The following PCDHA5 variants were observed in gnomAD, a reference collection of about 807,000 sequenced individuals.
The protein encoded by PCDHA5 is protocadherin alpha 5, also known as protocadherin alpha-5.
Under a neutral mutation model 61.6 loss-of-function variants are expected in PCDHA5, and 43 were observed. The observed-to-expected ratio is 0.70, with a 90% CI of 0.55 to 0.90. PCDHA5 has a LOEUF of 0.90. Among genes scored for constraint, PCDHA5 ranks in the 40% least tolerant of loss-of-function variants. PCDHA5 has a pLI of 0.00. For missense variants in PCDHA5, 1,298 were observed against 1,222.7 expected (o/e 1.06, Z -0.92); for synonymous variants, 627 against 543.9 (o/e 1.15, Z -2.13).
At position 140,847,060 on chromosome 5, in the gene PCDHA5, C is replaced by T. The variant is rs1457152734; in HGVS notation, c.2352+22933C>T. ...TAAGGAAAGTTGAAGACACAGAAAG[C>T]ATCAATATGACAAGTAGAAAAGTCC... On this transcript the variant is annotated intron_variant, in intron 1 of 3. Coordinates refer to ENST00000529859, the MANE Select transcript of PCDHA5 (RefSeq NM_018908.3). 1.3e-5 allele frequency among the ~76,000 whole-genome samples: 2 copies of T among 149,600 alleles called. 1 individual carries two copies. Among genetic ancestry groups the T allele is most frequent in the Non-Finnish European group, 3.0e-5 (2 of 66,898 alleles).
At chr5:140,911,464 A>T (rs1300349898) in intron 1 of PCDHA5, among the ~76,000 whole-genome samples, 2 of 152,144 alleles carry the variant, frequency 1.3e-5, no homozygotes, top group African/African-American at 2.4e-5. Flanking sequence ...TCTACAGGAG[A>T]TAAGACTCTC....
At position 140,823,839 on chromosome 5, in the gene PCDHA5, C is replaced by T; in HGVS notation, c.2064C>T (p.Pro688=). The T allele has an allele frequency of 1.9e-6, 3 of 1,613,784 alleles. No individual in the cohort carries two copies. In the South Asian group the frequency reaches 3.3e-5, roughly 18 times the overall value. The change falls in exon 1 of 4, where the codon CCC becomes CCT. Residue 688 remains proline, a synonymous_variant. Coordinates refer to ENST00000529859, the MANE Select transcript of PCDHA5 (RefSeq NM_018908.3). ...GGGCGTCGGCGGGCGCTGTGGGTCC[C>T]GAGGCTGCCCTGGTGGATGTCAACG... The part of the protein sequence containing the change: ...SSRASAGAVG[P]EAALVDVNVY...
intron 1 of PCDHA5, among the ~76,000 whole-genome samples, chr5:140,892,427 C>T (rs1429226685): frequency 6.6e-6 from 1 of 152,170 alleles, no homozygotes; most frequent in Admixed American, 6.5e-5. Flanking sequence ...GATAAAACCT[C>T]ATTATCTAAA....
chr5:140,899,052 C>CCAA (rs1554188364), intron 1 of PCDHA5, among the ~76,000 whole-genome samples: 7 of 151,400 alleles, frequency 4.6e-5, no homozygotes, highest in Non-Finnish European at 1.0e-4. Flanking sequence ...TATCCTGAGA[C>CCAA]TTTGCTGAAG....
At chr5:140,992,897 T>G (rs2097532683) in intron 3 of PCDHA5, among the ~76,000 whole-genome samples, 2 of 152,156 alleles carry the variant, frequency 1.3e-5, no homozygotes, top group Admixed American at 1.3e-4. Flanking sequence ...GCTGGATATC[T>G]CCAAAGCTTA....
chr5:140,869,613 C>T (rs369176341), intron 1 of PCDHA5: 402 of 1,613,826 alleles, frequency 2.5e-4, no homozygotes, highest in Non-Finnish European at 3.3e-4. Context: ...TATTGACCTA[C>T]AGGCTAAGTA....
chr5:140,935,341 G>A (rs1318000398), intron 1 of PCDHA5, among the ~76,000 whole-genome samples: 5 of 152,046 alleles, frequency 3.3e-5, no homozygotes, highest in Non-Finnish European at 5.9e-5. Context: ...TCTCCCATAC[G>A]TCAAATCCCA....
At chr5:140,843,005 G>A (rs1562406385) in intron 1 of PCDHA5, 5 of 1,594,914 alleles carry the variant, frequency 3.1e-6, no homozygotes, top group Non-Finnish European at 3.4e-6. Flanking sequence ...GAATGACAAC[G>A]CGCCGGCACT....
At chr5:140,897,841 C>G (rs1272606504) in intron 1 of PCDHA5, among the ~76,000 whole-genome samples, 2 of 152,282 alleles carry the variant, frequency 1.3e-5, no homozygotes, top group South Asian at 2.1e-4. Flanking sequence ...CACATCCTCT[C>G]CAGCACCTGT....
chr5:140,950,254 T>C (rs1554219388), intron 1 of PCDHA5, among the ~76,000 whole-genome samples: 1 of 152,040 alleles, frequency 6.6e-6, no homozygotes. Context: ...CCTAAAGAGC[T>C]GAGTTTATCC....
chr5:140,829,793 C>A (rs1369213842), intron 1 of PCDHA5: 2 of 1,613,818 alleles, frequency 1.2e-6, no homozygotes, highest in African/African-American at 2.7e-5. Context: ...GCTGCTGGCG[C>A]CTCGGGTGGG....
chr5:141,000,399 A>C (rs77386673), intron 3 of PCDHA5, among the ~76,000 whole-genome samples: 2,158 of 66,344 alleles, frequency 0.033, 38 homozygotes, highest in Non-Finnish European at 0.044. Context: ...CTCTCTCTAT[A>C]TATATATATA....
intron 3 of PCDHA5, among the ~76,000 whole-genome samples, chr5:141,001,177 T>G (rs2097996689): frequency 6.6e-6 from 1 of 152,154 alleles, no homozygotes; most frequent in Non-Finnish European, 1.5e-5. Context: ...TAACGAGTTT[T>G]TACTTTGCAC....
At position 140,823,648 on chromosome 5, in the gene PCDHA5, C is replaced by T. The variant is rs1767819943; in HGVS notation, c.1873C>T (p.Leu625=). The T allele has an allele frequency of 3.7e-6, 6 of 1,613,904 alleles. No homozygotes were observed. The highest frequency in any genetic ancestry group is 5.1e-6 in the Non-Finnish European group (6 of 1,179,962). Residue 625 remains leucine, a synonymous_variant, in exon 1 of 4, where the codon CTG becomes TTG. Transcript: ENST00000529859. The stretch of plus-strand genomic sequence containing the variant: ...TGCGCGCATCCCGTTCCGCGTGGGG[C>T]TGTACACAGGCGAGATCAGCACAAC... ...GSARIPFRVG[L]YTGEISTTRS...
intron 1 of PCDHA5, among the ~76,000 whole-genome samples, chr5:140,974,046 GATA>G (rs1554235775): frequency 6.6e-6 from 1 of 152,184 alleles, no homozygotes; most frequent in African/African-American, 2.4e-5. Context: ...TTATTAATAT[GATA>G]ATATTTGGAG....
In PCDHA5 at chr5:140,941,202, C is replaced by CCCTTCTTTCTTTCTTTCTTT; in HGVS notation, c.2353-37746_2353-37745insCTTCTTTCTTTCTTTCTTTC. Among the ~76,000 whole-genome samples, 3 of 122,832 alleles carry CCCTTCTTTCTTTCTTTCTTT rather than the reference C, an allele frequency of 2.4e-5. No homozygotes were observed. The East Asian group carries it at 6.6e-4, about 27-fold the overall frequency. The allele number at this position is 122,832 out of a possible 152,430, so 80.6% of individuals were successfully genotyped here. A position where few individuals can be genotyped will look rare whatever the true frequency, so the allele number is the denominator to read the frequency against. On this transcript the variant is annotated intron_variant, in intron 1 of 3. Transcript: ENST00000529859. ...TCCTGCTTCTTTTTTTTTCTTTCTT[C>CCCTTCTTTCTTTCTTTCTTT]CTTTCTTTCTTCCTTTCTTTCTTTC...
chr5:140,903,192 G>A (rs2070083529), intron 1 of PCDHA5, among the ~76,000 whole-genome samples: 1 of 152,160 alleles, frequency 6.6e-6, no homozygotes, highest in South Asian at 2.1e-4. Flanking sequence ...GTATAAAAGA[G>A]TGTCCTTTTC....
chr5:140,989,004 CTTA>C (rs1445940440), intron 3 of PCDHA5: 15 of 152,184 alleles, frequency 9.9e-5, no homozygotes, highest in African/African-American at 3.4e-4. Context: ...GAAATAGAGA[CTTA>C]TTATAGTTTC....
chr5:140,939,811 A>G (rs1554212933), intron 1 of PCDHA5, among the ~76,000 whole-genome samples: 1 of 152,224 alleles, frequency 6.6e-6, no homozygotes, highest in African/African-American at 2.4e-5. Context: ...CATGTTCAAG[A>G]AAAAGCAGTA....
Sources: gnomAD v4.1 joint callset for allele counts (sites outside exome capture counted in the v4.1 genomes callset) on GRCh38, gnomAD v4.1.1 for gene constraint, MANE v1.5 for transcripts, NCBI Gene and HGNC (gene_info 2026-07-23, HGNC 2026-07-21) for gene names.